MIB2: variants seen among roughly 807,000 people sequenced by gnomAD.
The protein encoded by MIB2 is MIB E3 ubiquitin protein ligase 2, also known as E3 ubiquitin-protein ligase MIB2.
Under a neutral mutation model 96.6 loss-of-function variants are expected in MIB2, and 78 were observed. That is an observed-to-expected ratio of 0.81 (90% CI 0.67 to 0.97). The LOEUF is 0.97. MIB2 is among the 50% of genes least tolerant of loss of function. The pLI is 0.00. For synonymous variants in MIB2, 820 were observed against 629.5 expected (o/e 1.30, Z -4.53); for missense variants, 1,543 against 1,424.0 (o/e 1.08, Z -1.35).
rs894913172 is a variant in MIB2 at position 1,623,699 on chromosome 1, G to A, written c.247G>A (p.Gly83Ser). Reference sequence around the variant, plus strand: ...GCTGCTGTACGACAACGCCCAGATCGGTGCGCGCCAAGGGCAGGCGGGACG... The same window carrying A: ...GCTGCTGTACGACAACGCCCAGATCAGTGCGCGCCAAGGGCAGGCGGGACG... ...DLLLYDNAQI[G>S]VRHPNIICDC... is the part of the protein sequence containing the mutation. The change falls in exon 3 of 20, where the codon GGC becomes AGC. Residue 83 changes from glycine to serine, a missense_variant and splice_region_variant. Physicochemically the swap from Gly to Ser is moderately conservative, Grantham distance 56. Coordinates refer to ENST00000355826, the MANE Select transcript of MIB2 (RefSeq NM_001170687.4). The A allele has an allele frequency of 4.0e-6, 6 of 1,516,164 alleles. No individual in the cohort carries two copies. Among genetic ancestry groups the A allele is most frequent in the African/African-American group, 1.4e-5 (1 of 72,344 alleles). 93.9% of individuals were successfully genotyped at this position (1,516,164 alleles called of 1,614,324 possible).
rs1644973348 is a variant in MIB2 at position 1,628,011 on chromosome 1, C to T, written c.1681-8C>T. On this transcript the variant is annotated splice_polypyrimidine_tract_variant and splice_region_variant and intron_variant, in intron 13 of 19. Transcript: ENST00000355826. ...ACCCCCAGGTGACCACTGACTCCGC[C>T]CCAGCAGGACGCCCACTCGGACACG... 9 of 1,612,230 alleles carry T rather than the reference C, an allele frequency of 5.6e-6. No homozygotes were observed. The highest frequency in any genetic ancestry group is 7.6e-6 in the Non-Finnish European group (9 of 1,179,450).
Position 1,630,567 on chromosome 1 carries a change from G to A in MIB2, c.*37G>A, listed in dbSNP as rs778549663. 3.5e-6 allele frequency: 5 copies of A among 1,447,018 alleles called. No individual in the cohort carries two copies. Among genetic ancestry groups the A allele is most frequent in the Admixed American group, 2.2e-5 (1 of 45,736 alleles). 89.6% of individuals were successfully genotyped at this position (1,447,018 alleles called of 1,614,324 possible). On this transcript the variant is annotated 3_prime_UTR_variant, in exon 20 of 20. Transcript: ENST00000355826. Reference sequence around the variant, plus strand: ...CGCCGCGCCCGAGCTGCCTTCGCGTGCCCCCGCCCTGTGTTTTATAAAAAG... The same window carrying A: ...CGCCGCGCCCGAGCTGCCTTCGCGTACCCCCGCCCTGTGTTTTATAAAAAG...
chr1:1,629,100 C>A, intron 16 of MIB2, 33 bp from the exon 17 acceptor site: 1 of 1,417,216 alleles, frequency 7.1e-7, no homozygotes, highest in Non-Finnish European at 9.1e-7. Context: ...TGCCCCGGCG[C>A]CCGCCCTCAC....
intron 1 of MIB2, chr1:1,615,908 G>A (rs1228153397): frequency 3.0e-6 from 3 of 1,010,690 alleles, no homozygotes; most frequent in Non-Finnish European, 3.5e-6. Flanking sequence ...GGTCGGCGCT[G>A]GGGTCGTCGT....
Position 1,629,081 on chromosome 1 carries a change from C to G in MIB2, c.2203-52C>G, listed in dbSNP as rs996461687. The G allele has an allele frequency of 1.2e-5, 16 of 1,389,494 alleles. No homozygotes were observed. The African/African-American group carries it at 2.5e-4, about 21-fold the overall frequency. The allele number at this position is 1,389,494 out of a possible 1,614,324, so 86.1% of individuals were successfully genotyped here. Reference sequence around the variant, plus strand: ...GCTGCCAGGTGCCAGGAGACGCCTCCCTCGGGCCTGCCCCGGCGCCCGCCC... The same window carrying G: ...GCTGCCAGGTGCCAGGAGACGCCTCGCTCGGGCCTGCCCCGGCGCCCGCCC... On this transcript the variant is annotated intron_variant, in intron 16 of 19. Transcript: ENST00000355826.
rs371881240 is a variant in MIB2, at chr1:1,627,782, G to A, written c.1633G>A (p.Glu545Lys). 1 of 1,598,582 alleles carries A rather than the reference G, an allele frequency of 6.3e-7. No homozygotes were observed. Among genetic ancestry groups the A allele is most frequent in the Non-Finnish European group, 8.5e-7 (1 of 1,179,382 alleles). ...CGTGGCCGTGCAGAGGGGCTTCCTG[G>A]AGGTGGTGCGGGCCCTGTGTGAGCG... is the stretch of plus-strand genomic sequence containing the variant. Reference protein sequence around the residue: ...LHVAVQRGFLEVVRALCERGC... With the variant: ...LHVAVQRGFLKVVRALCERGC... The change falls in exon 13 of 20, where the codon GAG (glutamate) becomes AAG (lysine). Residue 545 changes from glutamate to lysine, a missense_variant. Coordinates refer to ENST00000355826, the MANE Select transcript of MIB2 (RefSeq NM_001170687.4).
rs923094757 is a variant in MIB2, at chr1:1,623,337, C to T, written c.-22-94C>T. 3.3e-6 allele frequency: 5 copies of T among 1,520,102 alleles called. No individual in the cohort carries two copies. In the African/African-American group the frequency reaches 7.1e-5, roughly 22 times the overall value. 94.2% of individuals were successfully genotyped at this position (1,520,102 alleles called of 1,614,324 possible). A position where few individuals can be genotyped will look rare whatever the true frequency, so the allele number is the denominator to read the frequency against. ...GGCCTCTCTGCTCTCCCGCGGAGCC[C>T]ACTCTGACCGGGAGTGTCCCATGGT... On this transcript the variant is annotated intron_variant, in intron 2 of 19. Coordinates refer to ENST00000355826, the MANE Select transcript of MIB2 (RefSeq NM_001170687.4).
intron 1 of MIB2, 50 bp from the exon 2 acceptor site, chr1:1,616,458 C>A: frequency 7.5e-7 from 1 of 1,336,724 alleles, no homozygotes; most frequent in Non-Finnish European, 1.0e-6. Flanking sequence ...GCGACCGAGC[C>A]GCGGGTCGAG....
rs1468477020 is a variant in MIB2 at position 1,625,852 on chromosome 1, A to AGG, written c.972+200_972+201dup. 1.7e-6 allele frequency: 1 copy of AGG among 592,084 alleles called. No homozygotes were observed. The highest frequency in any genetic ancestry group is 1.9e-5 in the African/African-American group (1 of 53,516). 36.7% of individuals were successfully genotyped at this position (592,084 alleles called of 1,614,324 possible). On this transcript the variant is annotated intron_variant, in intron 8 of 19. Transcript: ENST00000355826. The surrounding 1 kb of genome is among the most constrained non-coding windows in gnomAD (Gnocchi z 5.0). ...GGGGGTTGGGTGTGAAGGAACCCAG[A>AGG]GGAGGGTATGTCTCTGGGAGCTGGA...
chr1:1,614,708 C>A (rs1423489355), upstream of MIB2: 1 of 152,250 alleles, frequency 6.6e-6, no homozygotes, highest in East Asian at 1.9e-4. Context: ...TCCGGAAGTA[C>A]GCAATGTCTA....
At chr1:1,623,156 G>T in intron 2 of MIB2, 1 of 523,404 alleles carries the variant, frequency 1.9e-6, no homozygotes, top group Admixed American at 3.8e-5. Flanking sequence ...CTTTCATGAA[G>T]CCCCCGGGGC....
chr1:1,618,736 C>T (rs1643973460), intron 2 of MIB2: 1 of 152,376 alleles, frequency 6.6e-6, no homozygotes, highest in Admixed American at 6.5e-5. Flanking sequence ...ACAGCCCCCA[C>T]CTCTCATGAA....
chr1:1,627,215 C>T lies in MIB2; in HGVS notation c.1374+8C>T, dbSNP rs1166688528. On this transcript the variant is annotated splice_region_variant and intron_variant, in intron 11 of 19. Coordinates refer to ENST00000355826, the MANE Select transcript of MIB2 (RefSeq NM_001170687.4). ...CGGAGGCGCCCAGAGCAGGCAAGCT[C>T]CTGACCCCGTCCTCCCATACTGGCC... 1.9e-6 allele frequency: 3 copies of T among 1,608,214 alleles called. No homozygotes were observed. Among genetic ancestry groups the T allele is most frequent in the Non-Finnish European group, 2.5e-6 (3 of 1,177,798 alleles).
rs1440060527 is a variant in MIB2 at position 1,630,559 on chromosome 1, C to T, written c.*29C>T. ...GCGCCGTCCGCCGCGCCCGAGCTGC[C>T]TTCGCGTGCCCCCGCCCTGTGTTTT... On this transcript the variant is annotated 3_prime_UTR_variant, in exon 20 of 20. Coordinates refer to ENST00000355826, the MANE Select transcript of MIB2 (RefSeq NM_001170687.4). The T allele has an allele frequency of 8.7e-6, 13 of 1,488,642 alleles. No homozygotes were observed. Among genetic ancestry groups the T allele is most frequent in the Admixed American group, 2.0e-5 (1 of 50,066 alleles). The allele number at this position is 1,488,642 out of a possible 1,614,324, so 92.2% of individuals were successfully genotyped here.
At chr1:1,615,456 G>A (rs1328533571), upstream of MIB2, 2 of 1,514,990 alleles carry the variant, frequency 1.3e-6, no homozygotes, top group Non-Finnish European at 1.8e-6. Flanking sequence ...GCGGGGGCGT[G>A]GCCATGGCGG....
Position 1,623,705 on chromosome 1 carries a change from C to T in MIB2, c.247+6C>T, listed in dbSNP as rs1299819965. 4.6e-6 allele frequency: 7 copies of T among 1,526,310 alleles called. No homozygotes were observed. The highest frequency in any genetic ancestry group is 5.3e-6 in the Non-Finnish European group (6 of 1,135,506). 94.5% of individuals were successfully genotyped at this position (1,526,310 alleles called of 1,614,324 possible). ...GTACGACAACGCCCAGATCGGTGCG[C>T]GCCAAGGGCAGGCGGGACGGGCAGG... On this transcript the variant is annotated splice_donor_region_variant and intron_variant, in intron 3 of 19. Coordinates refer to ENST00000355826, the MANE Select transcript of MIB2 (RefSeq NM_001170687.4).
At chr1:1,620,749 C>T (rs1388273072) in intron 2 of MIB2, among the ~76,000 whole-genome samples, 1 of 152,234 alleles carries the variant, frequency 6.6e-6, no homozygotes, top group Non-Finnish European at 1.5e-5. Flanking sequence ...AAGCTGAGGT[C>T]AGTTTGTGGA....
chr1:1,629,199 G>C lies in MIB2; in HGVS notation c.2269G>C (p.Ala757Pro). 1 of 1,520,856 alleles carries C rather than the reference G, an allele frequency of 6.6e-7. No homozygotes were observed. The highest frequency in any genetic ancestry group is 8.7e-7 in the Non-Finnish European group (1 of 1,143,108). The allele number at this position is 1,520,856 out of a possible 1,614,324, so 94.2% of individuals were successfully genotyped here. The change falls in exon 17 of 20, where the codon GCG (alanine) becomes CCG (proline). Residue 757 changes from alanine to proline, a missense_variant. Ala to Pro is a conservative substitution (Grantham distance 27). Transcript: ENST00000355826. ...GGGCGCGGCGGTCGCCTGCTTCCTG[G>C]CGCTGGAGGGCGCCGACGTGAGCTA... ...TVGAAVACFL[A>P]LEGADVSYTN... is the part of the protein sequence containing the mutation.
chr1:1,615,281 G>C, upstream of MIB2: 1 of 1,288,268 alleles, frequency 7.8e-7, no homozygotes, highest in Non-Finnish European at 1.0e-6. Context: ...GCGCGACGTC[G>C]CTCCCAAGCC....
Sources: allele counts gnomAD v4.1 joint callset (sites outside exome capture counted in the v4.1 genomes callset), GRCh38; gene constraint gnomAD v4.1.1; non-coding constraint Gnocchi (gnomAD v3.1); transcripts MANE v1.5; gene names NCBI Gene and HGNC (gene_info 2026-07-23, HGNC 2026-07-21).